TAFA5: variants seen among roughly 807,000 people sequenced by gnomAD.
TAFA5 encodes TAFA chemokine like family member 5.
Under a neutral mutation model 15.3 loss-of-function variants are expected in TAFA5, and 6 were observed. The ratio of observed to expected loss-of-function variants is 0.39; its 90% CI spans 0.21 to 0.77. The LOEUF is 0.77. Ranked by LOEUF, TAFA5 falls within the 30% of genes least tolerant of loss-of-function variation. The pLI is 0.41. For missense variants in TAFA5, 161 were observed against 193.1 expected (o/e 0.83, Z 0.98); for synonymous variants, 103 against 80.7 (o/e 1.28, Z -1.48).
chr22:48,598,410 G>A lies in TAFA5; in HGVS notation c.113-48187G>A, dbSNP rs1924846482. ...TTATTTCCAGGGGGCAGTGGTGAGG[G>A]GCTGGCGCTGTGATCGTGCTTAGTG... On this transcript the variant is annotated intron_variant, in intron 1 of 3. Coordinates refer to ENST00000402357, the MANE Select transcript of TAFA5 (RefSeq NM_001082967.3). The surrounding 1 kb of genome is among the most constrained non-coding windows in gnomAD (Gnocchi z 4.0). 6.6e-6 allele frequency among the ~76,000 whole-genome samples: 1 copy of A among 152,208 alleles called. No homozygotes were observed. The highest frequency in any genetic ancestry group is 1.9e-4 in the East Asian group (1 of 5,194).
chr22:48,625,799 C>T (rs1926007444), intron 1 of TAFA5, among the ~76,000 whole-genome samples: 1 of 152,180 alleles, frequency 6.6e-6, no homozygotes, highest in Non-Finnish European at 1.5e-5. Flanking sequence ...ATCACAGCAT[C>T]CTACAGAATA....
chr22:48,582,584 ACCACACACAAAATACACCACACG>A (rs1340912324), intron 1 of TAFA5, among the ~76,000 whole-genome samples: 3 of 150,602 alleles, frequency 2.0e-5, no homozygotes, highest in Non-Finnish European at 3.0e-5. Context: ...TACGCCACAT[ACCACACACAAAATACACCACACG>A]CCACACACAA....
At position 48,598,754 on chromosome 22, in the gene TAFA5, C is replaced by T. The variant is rs1924857953; in HGVS notation, c.113-47843C>T. Among the ~76,000 whole-genome samples, 1 of 152,182 alleles carries T rather than the reference C, an allele frequency of 6.6e-6. No individual in the cohort carries two copies. Among genetic ancestry groups the T allele is most frequent in the African/African-American group, 2.4e-5 (1 of 41,446 alleles). ...CTCCCCAGAGTTAGCTGAGACCCCA[C>T]CGAGGAAGGGCTCGGTCCCACAAGA... On this transcript the variant is annotated intron_variant, in intron 1 of 3. Transcript: ENST00000402357. This position sits in a 1 kb window ranked among gnomAD's most constrained non-coding sequence, Gnocchi z 4.0.
chr22:48,548,183 T>C (rs1163202130), intron 1 of TAFA5, among the ~76,000 whole-genome samples: 1 of 152,152 alleles, frequency 6.6e-6, no homozygotes, highest in Non-Finnish European at 1.5e-5. Context: ...AGTTTCTCTG[T>C]GGCCAGCTGC....
chr22:48,687,710 C>A (rs931106564), intron 2 of TAFA5, among the ~76,000 whole-genome samples: 11 of 152,172 alleles, frequency 7.2e-5, no homozygotes, highest in Admixed American at 7.2e-4. Context: ...CCACAACCAA[C>A]AGCACCCAGC....
At chr22:48,507,131 TGTGC>T in intron 1 of TAFA5, among the ~76,000 whole-genome samples, 1 of 149,084 alleles carries the variant, frequency 6.7e-6, no homozygotes, top group Non-Finnish European at 1.5e-5. Context: ...AAGGGCCAGG[TGTGC>T]AGTAGGAAGA....
intron 3 of TAFA5, among the ~76,000 whole-genome samples, chr22:48,738,419 C>T (rs1402896602): frequency 6.6e-6 from 1 of 152,186 alleles, no homozygotes; most frequent in African/African-American, 2.4e-5. Context: ...TCCTCCCGGG[C>T]AGCCACTCCT....
chr22:48,677,581 T>C (rs1928016436), intron 2 of TAFA5, among the ~76,000 whole-genome samples: 1 of 152,184 alleles, frequency 6.6e-6, no homozygotes, highest in African/African-American at 2.4e-5. Context: ...TTCTGCCTGC[T>C]GCCTCCCTCC....
chr22:48,550,665 G>T lies in TAFA5; in HGVS notation c.112+60961G>T, dbSNP rs1458629254. ...GTCCCTTTGCAGGTTGGAACCTGCG[G>T]CTCCAAGGTGAGGTGGCTTGCCTGG... On this transcript the variant is annotated intron_variant, in intron 1 of 3. Coordinates refer to ENST00000402357, the MANE Select transcript of TAFA5 (RefSeq NM_001082967.3). This position sits in a 1 kb window ranked among gnomAD's most constrained non-coding sequence, Gnocchi z 4.1. 6.6e-6 allele frequency among the ~76,000 whole-genome samples: 1 copy of T among 152,188 alleles called. No homozygotes were observed.
intron 3 of TAFA5, among the ~76,000 whole-genome samples, chr22:48,713,123 A>T (rs1929303260): frequency 6.6e-6 from 1 of 152,218 alleles, no homozygotes; most frequent in South Asian, 2.1e-4. Flanking sequence ...GCTATTGAGT[A>T]CCACCTTCTA....
At chr22:48,563,341 T>G (rs919608810) in intron 1 of TAFA5, among the ~76,000 whole-genome samples, 6 of 152,168 alleles carry the variant, frequency 3.9e-5, no homozygotes, top group Non-Finnish European at 8.8e-5. Flanking sequence ...AGAGCTGTCC[T>G]CCAGTGGGGA....
intron 1 of TAFA5, among the ~76,000 whole-genome samples, chr22:48,523,284 G>A (rs1247745220): frequency 2.6e-5 from 4 of 152,318 alleles, no homozygotes; most frequent in African/African-American, 7.2e-5. Flanking sequence ...GTGGGCCGGC[G>A]GGCAGCCTCC....
chr22:48,525,378 C>T (rs1921745624), intron 1 of TAFA5, among the ~76,000 whole-genome samples: 1 of 152,218 alleles, frequency 6.6e-6, no homozygotes, highest in Admixed American at 6.5e-5. Context: ...ACACCCCACC[C>T]TCACCCCGAC....
chr22:48,694,222 A>G (rs561422925), intron 2 of TAFA5, among the ~76,000 whole-genome samples: 52 of 152,314 alleles, frequency 3.4e-4, no homozygotes, highest in African/African-American at 1.2e-3. Context: ...ATAAATGAGC[A>G]TACCAGTCCC....
At chr22:48,589,986 C>CGTGT (rs35969553) in intron 1 of TAFA5, among the ~76,000 whole-genome samples, 9,192 of 149,708 alleles carry the variant, frequency 0.061, 613 homozygotes, top group African/African-American at 0.17. Flanking sequence ...TTGCAGCCGA[C>CGTGT]GTGTGTGTGT....
In TAFA5 at chr22:48,560,492, T is replaced by C. The variant is rs907833352; in HGVS notation, c.112+70788T>C. ...GCCAGCAGGCGCCCCCAGTGTGAAC[T>C]AATGTGAGGTGCTTTCATGCTGCAG... is the stretch of plus-strand genomic sequence containing the variant. On this transcript the variant is annotated intron_variant, in intron 1 of 3. Coordinates refer to ENST00000402357, the MANE Select transcript of TAFA5 (RefSeq NM_001082967.3). This position sits in a 1 kb window ranked among gnomAD's most constrained non-coding sequence, Gnocchi z 4.2. Among the ~76,000 whole-genome samples, 1 of 152,102 alleles carries C rather than the reference T, an allele frequency of 6.6e-6. No individual in the cohort carries two copies.
chr22:48,705,678 G>A (rs920290171), intron 2 of TAFA5, among the ~76,000 whole-genome samples: 4 of 152,350 alleles, frequency 2.6e-5, no homozygotes, highest in South Asian at 2.1e-4. Flanking sequence ...ACTGCAGAGC[G>A]TTGTCCAAGC....
intron 1 of TAFA5, among the ~76,000 whole-genome samples, chr22:48,581,537 C>A (rs1019366174): frequency 6.6e-6 from 1 of 152,210 alleles, no homozygotes; most frequent in Non-Finnish European, 1.5e-5. Flanking sequence ...GCGCGCGGAG[C>A]TGTAGGAGAG....
In TAFA5 at chr22:48,686,519, A is replaced by C. The variant is rs1235279050; in HGVS notation, c.263-21198A>C. ...AAAGGCCCCACTTCCTAATACCATC[A>C]CTTGGGGTTTAGATCTAAACATCAT... On this transcript the variant is annotated intron_variant, in intron 2 of 3. Transcript: ENST00000402357. 3.3e-5 allele frequency among the ~76,000 whole-genome samples: 5 copies of C among 152,128 alleles called. No homozygotes were observed. The East Asian group carries it at 9.6e-4, about 29-fold the overall frequency.
Sources: allele counts gnomAD v4.1 joint callset (sites outside exome capture counted in the v4.1 genomes callset), GRCh38; gene constraint gnomAD v4.1.1; non-coding constraint Gnocchi (gnomAD v3.1); transcripts MANE v1.5; gene names NCBI Gene and HGNC (gene_info 2026-07-23, HGNC 2026-07-21).